PRDM5: variants seen among roughly 807,000 people sequenced by gnomAD.
PRDM5 encodes PR/SET domain 5.
PRDM5 carries 56 observed loss-of-function variants against 81.2 expected under a neutral mutation model. That is an observed-to-expected ratio of 0.69 (90% CI 0.56 to 0.86). The LOEUF (loss-of-function observed/expected upper bound fraction) is 0.86. PRDM5 is among the 40% of genes least tolerant of loss of function. PRDM5 has a pLI of 0.00. For synonymous variants in PRDM5, 267 were observed against 256.4 expected, an observed-to-expected ratio of 1.04 and a Z score of -0.39; for missense variants, 697 against 770.1, an observed-to-expected ratio of 0.91 and a Z score of 1.12.
chr4:120,789,882 T>C (rs911775640), intron 10 of PRDM5, among the ~76,000 whole-genome samples: 2 of 152,188 alleles, frequency 1.3e-5, no homozygotes, highest in Non-Finnish European at 2.9e-5. Flanking sequence ...TACATAACTA[T>C]AGTCTTGCAG....
intron 11 of PRDM5, among the ~76,000 whole-genome samples, chr4:120,783,919 G>A (rs1384718941): frequency 6.6e-6 from 1 of 152,080 alleles, no homozygotes; most frequent in Admixed American, 6.6e-5. Flanking sequence ...AATTCTCCAA[G>A]ATACTGCCTC....
intron 11 of PRDM5, among the ~76,000 whole-genome samples, chr4:120,782,455 A>AAGGG (rs779623847): frequency 6.6e-6 from 1 of 152,146 alleles, no homozygotes; most frequent in South Asian, 2.1e-4. Flanking sequence ...GAAAGGAAGG[A>AAGGG]AGGGAGGGAG....
At chr4:120,743,995 C>G (rs1014455185) in intron 14 of PRDM5, among the ~76,000 whole-genome samples, 1 of 151,996 alleles carries the variant, frequency 6.6e-6, no homozygotes, top group Non-Finnish European at 1.5e-5. Context: ...CAGCACCACA[C>G]CACACCTATT....
At chr4:120,831,760 A>C (rs1355576479) in intron 3 of PRDM5, among the ~76,000 whole-genome samples, 1 of 152,152 alleles carries the variant, frequency 6.6e-6, no homozygotes, top group Non-Finnish European at 1.5e-5. Context: ...GAGAACCTAT[A>C]CTTAGAACCA....
At chr4:120,771,210 C>T (rs898890854) in intron 13 of PRDM5, among the ~76,000 whole-genome samples, 1 of 152,008 alleles carries the variant, frequency 6.6e-6, no homozygotes, top group Non-Finnish European at 1.5e-5. Flanking sequence ...ATAAAACAAA[C>T]ATTATTGCCC....
At chr4:120,765,600 G>A (rs1200904164) in intron 13 of PRDM5, among the ~76,000 whole-genome samples, 1 of 152,112 alleles carries the variant, frequency 6.6e-6, no homozygotes, top group African/African-American at 2.4e-5. Context: ...TGCCCGCCAG[G>A]CACAATCCTG....
intron 13 of PRDM5, among the ~76,000 whole-genome samples, chr4:120,765,955 T>C (rs1409060150): frequency 1.4e-5 from 2 of 143,690 alleles, no homozygotes; most frequent in South Asian, 2.2e-4. Flanking sequence ...GGACTTTTTT[T>C]TTTCTTTCTT....
chr4:120,812,768 C>G, intron 7 of PRDM5: 1 of 409,042 alleles, frequency 2.4e-6, no homozygotes, highest in South Asian at 1.8e-5. Flanking sequence ...TCATATACCA[C>G]CTTTCTCATA....
chr4:120,842,702 C>T (rs1758164745), intron 3 of PRDM5, among the ~76,000 whole-genome samples: 1 of 152,064 alleles, frequency 6.6e-6, no homozygotes, highest in Non-Finnish European at 1.5e-5. Context: ...AAATTAAACA[C>T]TATAATTTAA....
chr4:120,885,902 G>A (rs1380476490), intron 2 of PRDM5: 2 of 151,042 alleles, frequency 1.3e-5, no homozygotes, highest in Non-Finnish European at 2.9e-5. Context: ...TTTTCTTTTA[G>A]TCAAACAATT....
intron 2 of PRDM5, 80 bp from the exon 3 acceptor site, chr4:120,853,620 T>C: frequency 6.3e-7 from 1 of 1,578,010 alleles, no homozygotes; most frequent in Non-Finnish European, 8.7e-7. Flanking sequence ...GGACATGACG[T>C]TTTTTCATAA....
intron 2 of PRDM5, among the ~76,000 whole-genome samples, chr4:120,863,418 T>TA (rs1184927005): frequency 1.3e-5 from 2 of 151,874 alleles, no homozygotes; most frequent in African/African-American, 2.4e-5. Context: ...CGAGTTCTTC[T>TA]AAAAAATCAA....
intron 13 of PRDM5, 133 bp downstream of exon 13, chr4:120,777,055 C>T (rs947520456): frequency 2.6e-6 from 4 of 1,530,720 alleles, no homozygotes; most frequent in Non-Finnish European, 2.6e-6. Flanking sequence ...TTGTACAATG[C>T]TTTAAGAGAG....
chr4:120,807,732 T>TC (rs1753190679), intron 8 of PRDM5, among the ~76,000 whole-genome samples: 1 of 152,152 alleles, frequency 6.6e-6, no homozygotes, highest in Non-Finnish European at 1.5e-5. Flanking sequence ...TCGGATGTGT[T>TC]TGGAGTTTCT....
chr4:120,855,421 C>G (rs1380594442), intron 2 of PRDM5, among the ~76,000 whole-genome samples: 1 of 152,190 alleles, frequency 6.6e-6, no homozygotes, highest in Non-Finnish European at 1.5e-5. Context: ...ATAACAAACT[C>G]TCACTGAAAA....
At chr4:120,841,338 T>C (rs1758007569) in intron 3 of PRDM5, among the ~76,000 whole-genome samples, 1 of 152,162 alleles carries the variant, frequency 6.6e-6, no homozygotes, top group Non-Finnish European at 1.5e-5. Flanking sequence ...ACATTTTACT[T>C]CGTATTGCTC....
chr4:120,699,076 T>C (rs1175054850), intron 15 of PRDM5, among the ~76,000 whole-genome samples: 2 of 149,290 alleles, frequency 1.3e-5, no homozygotes, highest in Non-Finnish European at 3.0e-5. Flanking sequence ...GCTTTATATT[T>C]TCACTAGACA....
At chr4:120,877,757 A>G (rs1481291475) in intron 2 of PRDM5, among the ~76,000 whole-genome samples, 1 of 152,198 alleles carries the variant, frequency 6.6e-6, no homozygotes, top group Non-Finnish European at 1.5e-5. Flanking sequence ...GTGAGCCAAG[A>G]TTGTGCCACT....
At chr4:120,784,456 C>G (rs1235189272) in intron 11 of PRDM5, among the ~76,000 whole-genome samples, 1 of 152,086 alleles carries the variant, frequency 6.6e-6, no homozygotes, top group Non-Finnish European at 1.5e-5. Context: ...AGGAAAAGCA[C>G]CTATCAGGGA....
Sources: gnomAD v4.1 joint callset for allele counts (sites outside exome capture counted in the v4.1 genomes callset) on GRCh38, gnomAD v4.1.1 for gene constraint, MANE v1.5 for transcripts, NCBI Gene and HGNC (gene_info 2026-07-23, HGNC 2026-07-21) for gene names.